The following ARFIP1 variants were observed in gnomAD, a reference collection of about 807,000 sequenced individuals.
ARFIP1 encodes the protein ARF interacting protein 1, also known as arfaptin-1.
A neutral mutation model predicts 42.5 loss-of-function variants in ARFIP1; 24 were observed. That is an observed-to-expected ratio of 0.57 (90% CI 0.41 to 0.80). ARFIP1 has a LOEUF of 0.80. Among genes scored for constraint, ARFIP1 ranks in the 30% least tolerant of loss-of-function variants. The pLI is 0.00. For missense variants in ARFIP1, 354 were observed against 434.0 expected (o/e 0.82, Z 1.64); for synonymous variants, 141 against 153.7 (o/e 0.92, Z 0.61).
intron 1 of ARFIP1, among the ~76,000 whole-genome samples, chr4:152,786,877 T>C (rs1278102938): frequency 6.6e-6 from 1 of 152,238 alleles, no homozygotes; most frequent in East Asian, 1.9e-4. Flanking sequence ...GTCTGGACCA[T>C]TCTTTCTTTA....
At chr4:152,788,548 G>A (rs1730949501) in intron 1 of ARFIP1, among the ~76,000 whole-genome samples, 2 of 152,104 alleles carry the variant, frequency 1.3e-5, no homozygotes, top group African/African-American at 4.8e-5. Flanking sequence ...GGGCATGGTG[G>A]TGCCCATCTG....
At chr4:152,830,929 G>T (rs753483953) in intron 2 of ARFIP1, among the ~76,000 whole-genome samples, 5 of 152,158 alleles carry the variant, frequency 3.3e-5, no homozygotes, top group Non-Finnish European at 7.4e-5. Context: ...CTTTTGAAAA[G>T]AACTAGTATG....
At chr4:152,803,954 T>A (rs1728625841) in intron 1 of ARFIP1, among the ~76,000 whole-genome samples, 1 of 132,572 alleles carries the variant, frequency 7.5e-6, no homozygotes, top group African/African-American at 2.7e-5. Flanking sequence ...AATGTCTGAA[T>A]GTGTATATAT....
intron 2 of ARFIP1, among the ~76,000 whole-genome samples, chr4:152,859,324 A>G (rs987531965): frequency 7.9e-5 from 12 of 152,192 alleles, no homozygotes; most frequent in African/African-American, 2.9e-4. Context: ...AACCTCCCAA[A>G]GTGCTGGGAT....
chr4:152,805,863 C>G (rs1365531086), intron 1 of ARFIP1, among the ~76,000 whole-genome samples: 2 of 152,228 alleles, frequency 1.3e-5, no homozygotes, highest in Non-Finnish European at 2.9e-5. Context: ...CACAAACAAT[C>G]TGGCTTCAGA....
chr4:152,862,199 A>G (rs993889616), intron 2 of ARFIP1, among the ~76,000 whole-genome samples: 1 of 152,092 alleles, frequency 6.6e-6, no homozygotes, highest in South Asian at 2.1e-4. Context: ...CTTCCCTGAA[A>G]GTTTTTCTAC....
intron 8 of ARFIP1, among the ~76,000 whole-genome samples, chr4:152,905,462 A>G (rs1738235859): frequency 6.8e-6 from 1 of 146,364 alleles, no homozygotes; most frequent in African/African-American, 2.5e-5. Context: ...CTTATTTGCC[A>G]TCTGTGTTTT....
intron 3 of ARFIP1, among the ~76,000 whole-genome samples, chr4:152,866,503 C>G (rs1485040086): frequency 1.3e-5 from 2 of 149,186 alleles, no homozygotes; most frequent in African/African-American, 2.5e-5. Context: ...GGGGCTGACC[C>G]CCCCACCTCC....
At chr4:152,783,593 G>A (rs1730628712) in intron 1 of ARFIP1, among the ~76,000 whole-genome samples, 3 of 152,144 alleles carry the variant, frequency 2.0e-5, no homozygotes, top group African/African-American at 7.2e-5. Flanking sequence ...CTCCACCTAC[G>A]TTGTCTGACT....
intron 8 of ARFIP1, among the ~76,000 whole-genome samples, chr4:152,905,012 A>G (rs1345487423): frequency 6.6e-6 from 1 of 152,234 alleles, no homozygotes; most frequent in African/African-American, 2.4e-5. Flanking sequence ...CATTCCCACC[A>G]ACAGTATAAA....
Position 152,815,344 on chromosome 4 carries a change from C to A in ARFIP1, c.-9-14281C>A, listed in dbSNP as rs976702674. Among the ~76,000 whole-genome samples the A allele has an allele frequency of 4.6e-5, 7 of 152,214 alleles. No individual in the cohort carries two copies. The South Asian group carries it at 1.5e-3, about 32-fold the overall frequency. On this transcript the variant is annotated intron_variant, in intron 1 of 8. Coordinates refer to ENST00000353617, the MANE Select transcript of ARFIP1 (RefSeq NM_001025595.3). ...AGAGCTTTAGATATTTACTGTATGA[C>A]CCTTCATAGAAAAAAGTTGTTGACT...
chr4:152,884,212 G>T (rs1736087115), intron 7 of ARFIP1, among the ~76,000 whole-genome samples: 1 of 151,926 alleles, frequency 6.6e-6, no homozygotes, highest in South Asian at 2.1e-4. Flanking sequence ...TGTATGGAGG[G>T]GTAAGGGTGA....
intron 2 of ARFIP1, among the ~76,000 whole-genome samples, chr4:152,842,475 G>C (rs1371883884): frequency 1.3e-5 from 2 of 152,102 alleles, no homozygotes; most frequent in Non-Finnish European, 2.9e-5. Context: ...AGGCAGGGGA[G>C]GTTTTCCTTG....
chr4:152,873,894 T>C (rs1455075395), intron 5 of ARFIP1, among the ~76,000 whole-genome samples: 1 of 152,208 alleles, frequency 6.6e-6, no homozygotes, highest in Admixed American at 6.5e-5. Context: ...GCCTCTTTTC[T>C]ATCTATGGAT....
intron 2 of ARFIP1, among the ~76,000 whole-genome samples, chr4:152,846,381 GCACA>G (rs113547637): frequency 2.0e-5 from 3 of 151,164 alleles, no homozygotes; most frequent in Non-Finnish European, 4.4e-5. Flanking sequence ...GCACACACAC[GCACA>G]CACACACACA....
chr4:152,908,981 A>C (rs1738617169), intron 8 of ARFIP1, among the ~76,000 whole-genome samples: 1 of 149,902 alleles, frequency 6.7e-6, no homozygotes, highest in African/African-American at 2.5e-5. Context: ...TTTTTCATTT[A>C]GCATCGTGTT....
chr4:152,873,933 A>C (rs1735107334), intron 5 of ARFIP1, among the ~76,000 whole-genome samples: 1 of 152,096 alleles, frequency 6.6e-6, no homozygotes, highest in Non-Finnish European at 1.5e-5. Flanking sequence ...TTTCCCAGAA[A>C]CTTCCTAAAC....
At chr4:152,820,128 C>T (rs544623639) in intron 1 of ARFIP1, among the ~76,000 whole-genome samples, 1 of 151,520 alleles carries the variant, frequency 6.6e-6, no homozygotes, top group South Asian at 2.1e-4. Flanking sequence ...CTGTGGTGGC[C>T]CCCCCACCCC....
At chr4:152,829,258 G>A (rs969184587) in intron 1 of ARFIP1, among the ~76,000 whole-genome samples, 5 of 152,016 alleles carry the variant, frequency 3.3e-5, no homozygotes, top group South Asian at 2.1e-4. Context: ...ATTTGTCTTC[G>A]CAGTACTCCA....
Sources: gnomAD v4.1 joint callset for allele counts (sites outside exome capture counted in the v4.1 genomes callset) on GRCh38, gnomAD v4.1.1 for gene constraint, MANE v1.5 for transcripts, NCBI Gene and HGNC (gene_info 2026-07-23, HGNC 2026-07-21) for gene names.